Variants in IPCEF1 observed in about 807,000 individuals in gnomAD.
The protein encoded by IPCEF1 is interactor protein for cytohesin exchange factors 1.
A neutral mutation model predicts 50.9 loss-of-function variants in IPCEF1; 31 were observed. The ratio of observed to expected loss-of-function variants is 0.61; its 90% CI spans 0.46 to 0.82. The LOEUF (loss-of-function observed/expected upper bound fraction) is 0.82, where lower values mean the gene tolerates loss of function less well. IPCEF1 is among the 40% of genes least tolerant of loss of function. The pLI is 0.00. For synonymous variants in IPCEF1, 181 were observed against 192.0 expected (o/e 0.94, Z 0.47); for missense variants, 458 against 514.0 (o/e 0.89, Z 1.05).
chr6:154,354,351 T>C (rs1432769928), intron 1 of IPCEF1, among the ~76,000 whole-genome samples: 5 of 123,054 alleles, frequency 4.1e-5, no homozygotes, highest in Non-Finnish European at 8.3e-5. Context: ...ATCTCCACCA[T>C]GTCTACCATC....
At chr6:154,229,872 C>T (rs931441617) in intron 5 of IPCEF1, among the ~76,000 whole-genome samples, 1 of 152,204 alleles carries the variant, frequency 6.6e-6, no homozygotes, top group Admixed American at 6.5e-5. Flanking sequence ...CGACGAAATG[C>T]TATTTAATCA....
intron 1 of IPCEF1, among the ~76,000 whole-genome samples, chr6:154,314,979 C>T (rs1363955614): frequency 1.3e-5 from 2 of 151,652 alleles, no homozygotes; most frequent in Admixed American, 1.3e-4. Flanking sequence ...CTCCCAGGTT[C>T]AAGCGATTCT....
chr6:154,246,948 A>T (rs1332460133), intron 4 of IPCEF1, 188 bp from the exon 5 acceptor site: 1 of 594,802 alleles, frequency 1.7e-6, no homozygotes, highest in Non-Finnish European at 2.6e-6. Context: ...AAAAAAAAAA[A>T]AAAAGCCATG....
At chr6:154,333,122 T>C (rs1783709647) in intron 1 of IPCEF1, among the ~76,000 whole-genome samples, 1 of 152,146 alleles carries the variant, frequency 6.6e-6, no homozygotes, top group African/African-American at 2.4e-5. Flanking sequence ...GGAACTGAAG[T>C]CTTGAGTTGG....
At chr6:154,234,341 G>A (rs530914104) in intron 5 of IPCEF1, among the ~76,000 whole-genome samples, 1 of 152,252 alleles carries the variant, frequency 6.6e-6, no homozygotes, top group Non-Finnish European at 1.5e-5. Flanking sequence ...CACCCTGCTT[G>A]CTAAGGAGAA....
intron 2 of IPCEF1, among the ~76,000 whole-genome samples, chr6:154,280,478 C>T (rs182146681): frequency 6.6e-6 from 1 of 152,134 alleles, no homozygotes; most frequent in Non-Finnish European, 1.5e-5. Flanking sequence ...AATTGTGGTA[C>T]AGTCATTACA....
At chr6:154,247,263 C>T (rs145316642) in intron 4 of IPCEF1, 186 bp downstream of exon 4, 2 of 567,506 alleles carry the variant, frequency 3.5e-6, no homozygotes, top group Non-Finnish European at 6.3e-6. Context: ...AGGGATTAAT[C>T]CAAATGAACA....
intron 5 of IPCEF1, among the ~76,000 whole-genome samples, chr6:154,229,424 A>G (rs1272900701): frequency 7.5e-6 from 1 of 133,700 alleles, no homozygotes; most frequent in African/African-American, 2.9e-5. Flanking sequence ...ATCTTGGCTT[A>G]CTGCAAGCTC....
chr6:154,341,841 A>C (rs1160131500), intron 1 of IPCEF1, among the ~76,000 whole-genome samples: 1 of 152,178 alleles, frequency 6.6e-6, no homozygotes, highest in African/African-American at 2.4e-5. Flanking sequence ...ATAATTTATA[A>C]TGTCTGTATG....
Position 154,300,145 on chromosome 6 carries a change from A to C in IPCEF1, c.-61-10389T>G, listed in dbSNP as rs541394494. On this transcript the variant is annotated intron_variant, in intron 1 of 11. Coordinates refer to ENST00000367220, the MANE Select transcript of IPCEF1 (RefSeq NM_001130700.2). Reference sequence around the variant, plus strand: ...AACAATTACTTTACAACTTCATGAAAGCTGAAATGCAGGCAGACCTCTTTG... The same window carrying C: ...AACAATTACTTTACAACTTCATGAACGCTGAAATGCAGGCAGACCTCTTTG... Among the ~76,000 whole-genome samples the C allele has an allele frequency of 2.8e-5, 4 of 142,000 alleles. No individual in the cohort carries two copies. The East Asian group carries it at 7.9e-4, about 28-fold the overall frequency. The allele number at this position is 142,000 out of a possible 152,430, so 93.2% of individuals were successfully genotyped here.
intron 2 of IPCEF1, among the ~76,000 whole-genome samples, chr6:154,267,098 A>G (rs571619262): frequency 7.9e-4 from 120 of 151,830 alleles, no homozygotes; most frequent in Admixed American, 3.5e-3. Context: ...ATAAACCACA[A>G]TAAAAGGACT....
intron 1 of IPCEF1, among the ~76,000 whole-genome samples, chr6:154,336,048 G>C (rs1783781095): frequency 6.6e-6 from 1 of 152,154 alleles, no homozygotes; most frequent in African/African-American, 2.4e-5. Context: ...TGGAGAAAAG[G>C]GAACACATAT....
chr6:154,336,884 G>A (rs555873906), intron 1 of IPCEF1, among the ~76,000 whole-genome samples: 5 of 152,290 alleles, frequency 3.3e-5, no homozygotes, highest in African/African-American at 9.6e-5. Flanking sequence ...GACTACAGGC[G>A]TGATCAATCA....
chr6:154,184,150 A>G (rs1008119332), intron 10 of IPCEF1, among the ~76,000 whole-genome samples: 1 of 151,798 alleles, frequency 6.6e-6, no homozygotes, highest in Admixed American at 6.6e-5. Context: ...TGCTTGGTCC[A>G]AGGGCAAGTA....
chr6:154,229,464 C>T (rs1249741262), intron 5 of IPCEF1, among the ~76,000 whole-genome samples: 2 of 151,432 alleles, frequency 1.3e-5, no homozygotes, highest in Non-Finnish European at 2.9e-5. Context: ...ATTCTCCCGC[C>T]TCAGCCTCCC....
chr6:154,183,903 C>CA (rs201453275), intron 10 of IPCEF1, among the ~76,000 whole-genome samples: 115 of 150,790 alleles, frequency 7.6e-4, no homozygotes, highest in Admixed American at 1.2e-3. Context: ...AACAAACAAA[C>CA]AAAAAAAACA....
chr6:154,291,128 G>C (rs1003775261), intron 1 of IPCEF1, among the ~76,000 whole-genome samples: 9 of 152,004 alleles, frequency 5.9e-5, no homozygotes, highest in Non-Finnish European at 1.3e-4. Flanking sequence ...TCCTGACCTC[G>C]TGATCCACCC....
intron 1 of IPCEF1, among the ~76,000 whole-genome samples, chr6:154,315,445 C>A (rs1783191879): frequency 6.6e-6 from 1 of 152,112 alleles, no homozygotes; most frequent in Non-Finnish European, 1.5e-5. Flanking sequence ...CATAAATAAG[C>A]TGAGTTACAA....
intron 10 of IPCEF1, among the ~76,000 whole-genome samples, chr6:154,173,734 T>C (rs769111244): frequency 1.3e-5 from 2 of 152,110 alleles, no homozygotes; most frequent in Non-Finnish European, 2.9e-5. Flanking sequence ...TGGGACCAAA[T>C]TGGAAAACAC....
Sources: gnomAD v4.1 joint callset for allele counts (sites outside exome capture counted in the v4.1 genomes callset) on GRCh38, gnomAD v4.1.1 for gene constraint, MANE v1.5 for transcripts, NCBI Gene and HGNC (gene_info 2026-07-23, HGNC 2026-07-21) for gene names.